ROBO1: variants seen among roughly 807,000 people sequenced by gnomAD.
ROBO1 encodes the protein roundabout guidance receptor 1, also known as roundabout homolog 1.
In ROBO1, 149 loss-of-function variants were observed where a neutral mutation model predicts 195.9. The ratio of observed to expected loss-of-function variants is 0.76; its 90% CI spans 0.67 to 0.87. The LOEUF is 0.87. ROBO1 is among the 40% of genes least tolerant of loss of function. ROBO1 has a pLI of 0.00. For synonymous variants in ROBO1, 816 were observed against 733.2 expected, an observed-to-expected ratio of 1.11 and a Z score of -1.82; for missense variants, 1,933 against 2,068.3, an observed-to-expected ratio of 0.93 and a Z score of 1.27.
chr3:78,740,067 G>T (rs59698651), intron 5 of ROBO1, among the ~76,000 whole-genome samples: 5 of 152,026 alleles, frequency 3.3e-5, no homozygotes, highest in Non-Finnish European at 7.4e-5. Context: ...TGACAAGATT[G>T]TTGGCAGGAT....
chr3:79,363,335 T>A (rs1168094251), intron 2 of ROBO1, among the ~76,000 whole-genome samples: 3 of 152,204 alleles, frequency 2.0e-5, no homozygotes, highest in South Asian at 2.1e-4. Context: ...GTATCTCTAA[T>A]TCAACATGAT....
intron 2 of ROBO1, among the ~76,000 whole-genome samples, chr3:79,337,318 T>C (rs1473979151): frequency 6.6e-6 from 1 of 152,114 alleles, no homozygotes; most frequent in Non-Finnish European, 1.5e-5. Context: ...GTTGTAATAA[T>C]CCCCATGTGT....
At chr3:79,118,607 C>T (rs532452827) in intron 3 of ROBO1, among the ~76,000 whole-genome samples, 3 of 152,166 alleles carry the variant, frequency 2.0e-5, no homozygotes, top group East Asian at 1.9e-4. Flanking sequence ...CGGTGGCTCA[C>T]GCCTGTAATC....
intron 2 of ROBO1, among the ~76,000 whole-genome samples, chr3:79,475,006 G>A (rs1379567330): frequency 6.6e-6 from 1 of 151,784 alleles, no homozygotes; most frequent in East Asian, 1.9e-4. Flanking sequence ...TGTCTTAGAA[G>A]GATACATCTT....
chr3:79,570,068 T>A (rs983680524), intron 2 of ROBO1, among the ~76,000 whole-genome samples: 1 of 151,990 alleles, frequency 6.6e-6, no homozygotes, highest in Non-Finnish European at 1.5e-5. Flanking sequence ...ATGACTGCAC[T>A]CCAGCATGGG....
chr3:79,523,461 CTTTTTTTTTTCT>C (rs1467177554), intron 2 of ROBO1, among the ~76,000 whole-genome samples: 5 of 134,822 alleles, frequency 3.7e-5, no homozygotes, highest in Non-Finnish European at 6.2e-5. Context: ...ATTTTTCTTT[CTTTTTTTTTTCT>C]TTTTTTTTTT....
chr3:79,512,093 G>A (rs916466161), intron 2 of ROBO1, among the ~76,000 whole-genome samples: 2 of 151,956 alleles, frequency 1.3e-5, no homozygotes, highest in Non-Finnish European at 1.5e-5. Context: ...TAAAAAGAAA[G>A]AAAACTGATA....
At position 79,519,153 on chromosome 3, in the gene ROBO1, C is replaced by T. The variant is rs868124342; in HGVS notation, c.88+70671G>A. 2.8e-4 allele frequency among the ~76,000 whole-genome samples: 43 copies of T among 152,208 alleles called. 1 individual carries two copies. In the Middle Eastern group the frequency reaches 0.024, roughly 84 times the overall value. ...CTCAGCCTGGATTCTGGAATGAGCT[C>T]CAAGAGCAAGAAGCATGCTATTCTT... On this transcript the variant is annotated intron_variant, in intron 2 of 30. Coordinates refer to ENST00000464233, the MANE Select transcript of ROBO1 (RefSeq NM_002941.4).
At chr3:79,272,249 T>G (rs111307186) in intron 2 of ROBO1, among the ~76,000 whole-genome samples, 3 of 151,912 alleles carry the variant, frequency 2.0e-5, no homozygotes, top group Non-Finnish European at 4.4e-5. Flanking sequence ...AATTAGCTAA[T>G]GAGAAAGACA....
intron 3 of ROBO1, among the ~76,000 whole-genome samples, chr3:78,977,762 T>A (rs1212003592): frequency 6.6e-6 from 1 of 152,074 alleles, no homozygotes; most frequent in African/African-American, 2.4e-5. Context: ...TTACTCCTAC[T>A]CACTGAGGTA....
intron 21 of ROBO1, among the ~76,000 whole-genome samples, chr3:78,643,075 C>G (rs1462045029): frequency 1.3e-5 from 2 of 152,038 alleles, no homozygotes; most frequent in Non-Finnish European, 2.9e-5. Flanking sequence ...GATAAATAAA[C>G]CACGTAATCT....
At chr3:79,224,214 C>T (rs920927092) in intron 2 of ROBO1, among the ~76,000 whole-genome samples, 1 of 152,156 alleles carries the variant, frequency 6.6e-6, no homozygotes, top group African/African-American at 2.4e-5. Flanking sequence ...AGGTTATGAA[C>T]ACCAAATTAT....
At chr3:78,608,259 C>A in intron 28 of ROBO1, among the ~76,000 whole-genome samples, 1 of 151,854 alleles carries the variant, frequency 6.6e-6, no homozygotes, top group Non-Finnish European at 1.5e-5. Flanking sequence ...CTACATGCCA[C>A]CACACCCGAT....
chr3:78,920,459 C>A (rs190732649), intron 4 of ROBO1, among the ~76,000 whole-genome samples: 10 of 151,952 alleles, frequency 6.6e-5, no homozygotes, highest in Admixed American at 3.3e-4. Flanking sequence ...CAGGTGCCAC[C>A]ACGCACGGCT....
At chr3:79,630,512 T>G (rs536777042) in intron 1 of ROBO1, among the ~76,000 whole-genome samples, 1 of 151,984 alleles carries the variant, frequency 6.6e-6, no homozygotes, top group Non-Finnish European at 1.5e-5. Context: ...AAAGCCATAA[T>G]ACCAATCTAT....
At chr3:79,649,026 A>C (rs1945920037) in intron 1 of ROBO1, among the ~76,000 whole-genome samples, 1 of 152,088 alleles carries the variant, frequency 6.6e-6, no homozygotes, top group Non-Finnish European at 1.5e-5. Context: ...AAAAGGTAAG[A>C]ATTTGGTTAT....
At chr3:79,598,245 T>C (rs893464371) in intron 1 of ROBO1, among the ~76,000 whole-genome samples, 1 of 152,076 alleles carries the variant, frequency 6.6e-6, no homozygotes, top group African/African-American at 2.4e-5. Flanking sequence ...AGTACATCTA[T>C]TAGTCTCATG....
intron 3 of ROBO1, among the ~76,000 whole-genome samples, chr3:79,062,565 A>G (rs1323288209): frequency 3.3e-5 from 5 of 152,178 alleles, no homozygotes; most frequent in African/African-American, 9.7e-5. Flanking sequence ...TTATTGCGGC[A>G]TTATTCACAA....
At chr3:79,091,796 A>G (rs1475978689) in intron 3 of ROBO1, among the ~76,000 whole-genome samples, 1 of 152,172 alleles carries the variant, frequency 6.6e-6, no homozygotes. Context: ...TGAGGACCCC[A>G]GAAGAGAACA....
Sources: gnomAD v4.1 joint callset for allele counts (sites outside exome capture counted in the v4.1 genomes callset) on GRCh38, gnomAD v4.1.1 for gene constraint, MANE v1.5 for transcripts, NCBI Gene and HGNC (gene_info 2026-07-23, HGNC 2026-07-21) for gene names.